AMD1: variants seen among roughly 807,000 people sequenced by gnomAD.
The protein encoded by AMD1 is adenosylmethionine decarboxylase 1.
AMD1 carries 11 observed loss-of-function variants against 40.2 expected under a neutral mutation model. That is an observed-to-expected ratio of 0.27 (90% CI 0.17 to 0.45). AMD1 has a LOEUF of 0.45. Among genes scored for constraint, AMD1 ranks in the 20% least tolerant of loss-of-function variants. AMD1 has a pLI of 1.00. For synonymous variants in AMD1, 121 were observed against 130.8 expected (o/e 0.93, Z 0.51); for missense variants, 257 against 410.2 (o/e 0.63, Z 3.23).
intron 1 of AMD1, among the ~76,000 whole-genome samples, chr6:110,876,066 CTAATGCCTT>C (rs981179531): frequency 2.6e-5 from 4 of 152,220 alleles, no homozygotes; most frequent in African/African-American, 9.6e-5. Context: ...CATAATGCCT[CTAATGCCTT>C]AAGCTTGAGC....
At chr6:110,839,488 G>A in the AMD1 span, among the ~76,000 whole-genome samples, 1 of 152,136 alleles carries the variant, frequency 6.6e-6, no homozygotes, top group Non-Finnish European at 1.5e-5. Flanking sequence ...AGGTGTAGTG[G>A]TGTGAACCTG....
chr6:110,814,889 G>T, the AMD1 span: 1 of 1,370,102 alleles, frequency 7.3e-7, no homozygotes. Context: ...ACGCAACCCC[G>T]CGACCCCCTC....
chr6:110,839,408 G>T, the AMD1 span, among the ~76,000 whole-genome samples: 179 of 152,250 alleles, frequency 1.2e-3, no homozygotes, highest in Non-Finnish European at 2.4e-3. Context: ...CTGACCAAAG[G>T]TGTAGGTGCT....
chr6:110,877,436 A>G (rs936749277), intron 1 of AMD1, among the ~76,000 whole-genome samples: 7 of 152,268 alleles, frequency 4.6e-5, no homozygotes, highest in Non-Finnish European at 1.0e-4. Flanking sequence ...CAAAGAGAGT[A>G]TCATGGACGG....
chr6:110,860,159 C>T, the AMD1 span, among the ~76,000 whole-genome samples: 1 of 151,984 alleles, frequency 6.6e-6, no homozygotes, highest in African/African-American at 2.4e-5. Context: ...TCCAGCCCTC[C>T]TTCTCCCCTT....
chr6:110,866,503 C>T, the AMD1 span, among the ~76,000 whole-genome samples: 1 of 152,104 alleles, frequency 6.6e-6, no homozygotes, highest in African/African-American at 2.4e-5. Flanking sequence ...GCTTACAGAC[C>T]ACGCTAGCAA....
chr6:110,850,091 A>T, the AMD1 span, among the ~76,000 whole-genome samples: 15 of 152,180 alleles, frequency 9.9e-5, no homozygotes, highest in East Asian at 2.9e-3. Flanking sequence ...GACCCAGAGA[A>T]GTTCCACAAT....
the AMD1 span, among the ~76,000 whole-genome samples, chr6:110,823,050 G>C: frequency 4.6e-5 from 7 of 152,198 alleles, no homozygotes; most frequent in Admixed American, 3.3e-4. Context: ...AGGAGGTGGA[G>C]GTTGTGGCGA....
At chr6:110,845,298 C>T in the AMD1 span, among the ~76,000 whole-genome samples, 1 of 151,910 alleles carries the variant, frequency 6.6e-6, no homozygotes, top group South Asian at 2.1e-4. Flanking sequence ...CTTGGCTTCT[C>T]AAAGTGTTGG....
At chr6:110,837,198 AAGAC>A in the AMD1 span, among the ~76,000 whole-genome samples, 1 of 147,500 alleles carries the variant, frequency 6.8e-6, no homozygotes, top group Non-Finnish European at 1.5e-5. Flanking sequence ...AAAAAAAAAA[AAGAC>A]TCACACCTGT....
At chr6:110,832,925 A>T in the AMD1 span, among the ~76,000 whole-genome samples, 1 of 152,114 alleles carries the variant, frequency 6.6e-6, no homozygotes, top group Non-Finnish European at 1.5e-5. Context: ...GGTTCAAGTG[A>T]TTCTCCTGCC....
At chr6:110,871,986 G>A (rs1026877619), upstream of AMD1, among the ~76,000 whole-genome samples, 3 of 152,306 alleles carry the variant, frequency 2.0e-5, no homozygotes, top group African/African-American at 7.2e-5. Flanking sequence ...AAAGAGAGAT[G>A]TCACGAAAGC....
the AMD1 span, among the ~76,000 whole-genome samples, chr6:110,816,124 G>A: frequency 6.6e-6 from 1 of 152,214 alleles, no homozygotes; most frequent in Admixed American, 6.5e-5. Context: ...CTTGGCCAGA[G>A]GAGAACATGC....
At chr6:110,886,222 CAAAA>C (rs34012901) in intron 1 of AMD1, among the ~76,000 whole-genome samples, 258 of 139,028 alleles carry the variant, frequency 1.9e-3, no homozygotes, top group Middle Eastern at 3.5e-3. Context: ...GACTCAGTCT[CAAAA>C]AAAAAAAAAA....
the AMD1 span, among the ~76,000 whole-genome samples, chr6:110,833,802 T>G: frequency 6.6e-6 from 1 of 151,798 alleles, no homozygotes; most frequent in Non-Finnish European, 1.5e-5. Flanking sequence ...TTGTTTGAGC[T>G]CAGGAGTTCG....
the AMD1 span, among the ~76,000 whole-genome samples, chr6:110,861,374 A>G: frequency 6.6e-6 from 1 of 150,490 alleles, no homozygotes; most frequent in Admixed American, 6.6e-5. Flanking sequence ...AAAAAAAAAA[A>G]TTAGCCAGAT....
chr6:110,847,715 G>GTTTTTTT, the AMD1 span, among the ~76,000 whole-genome samples: 1 of 141,738 alleles, frequency 7.1e-6, no homozygotes, highest in Non-Finnish European at 1.5e-5. Context: ...TTTGTTTTTT[G>GTTTTTTT]TTTTTTGTTT....
chr6:110,888,033 G>C (rs1785792736), intron 2 of AMD1, among the ~76,000 whole-genome samples: 1 of 152,010 alleles, frequency 6.6e-6, no homozygotes, highest in Admixed American at 6.6e-5. Flanking sequence ...GAAACATTTA[G>C]TGTAACGTGG....
At position 110,890,187 on chromosome 6, in the gene AMD1, T is replaced by C. The variant is rs1198294609; in HGVS notation, c.325-67T>C. 32 of 1,227,388 alleles carry C rather than the reference T, an allele frequency of 2.6e-5. 1 individual carries two copies. The South Asian group carries it at 3.7e-4, about 14-fold the overall frequency. 76.0% of individuals were successfully genotyped at this position (1,227,388 alleles called of 1,614,324 possible). A position where few individuals can be genotyped will look rare whatever the true frequency, so the allele number is the denominator to read the frequency against. ...ATATGTGGACAATAGTTGATTAGCT[T>C]CGAAAAGTGATAGAATTCTACATCT... is the stretch of plus-strand genomic sequence containing the variant. On this transcript the variant is annotated intron_variant, in intron 3 of 8. Transcript: ENST00000368885.
Sources: allele counts gnomAD v4.1 joint callset (sites outside exome capture counted in the v4.1 genomes callset), GRCh38; gene constraint gnomAD v4.1.1; transcripts MANE v1.5; gene names NCBI Gene and HGNC (gene_info 2026-07-23, HGNC 2026-07-21).